The following DOCK4 variants were observed in gnomAD, a reference collection of about 807,000 sequenced individuals.
DOCK4 encodes the protein dedicator of cytokinesis 4.
Under a neutral mutation model 268.1 loss-of-function variants are expected in DOCK4, and 97 were observed. That is an observed-to-expected ratio of 0.36 (90% confidence interval 0.31 to 0.43). DOCK4 has a LOEUF of 0.43. Ranked by LOEUF, DOCK4 falls within the 20% of genes least tolerant of loss-of-function variation. The probability of loss-of-function intolerance (pLI) is 1.00; values close to 1 mark genes in which losing one functional copy is unlikely to be tolerated. For missense variants in DOCK4, 2,145 were observed against 2,455.7 expected (o/e 0.87, Z 2.67); for synonymous variants, 954 against 887.2 (o/e 1.08, Z -1.34).
chr7:111,839,168 T>C (rs948981712), intron 25 of DOCK4, among the ~76,000 whole-genome samples: 53 of 152,342 alleles, frequency 3.5e-4, no homozygotes, highest in Admixed American at 3.0e-3. Context: ...TTTGATTGTA[T>C]AGAGAAAATA....
chr7:112,021,844 C>T (rs540328987), intron 1 of DOCK4, among the ~76,000 whole-genome samples: 1 of 152,252 alleles, frequency 6.6e-6, no homozygotes, highest in Non-Finnish European at 1.5e-5. Flanking sequence ...CCCTGCGCTT[C>T]CCTAGTTTAC....
intron 1 of DOCK4, among the ~76,000 whole-genome samples, chr7:112,188,750 G>C (rs1167137594): frequency 6.6e-6 from 1 of 152,214 alleles, no homozygotes; most frequent in East Asian, 1.9e-4. Context: ...CTCATTTTAA[G>C]TCAGTGGTTT....
At chr7:111,845,711 C>T (rs1038579977) in intron 24 of DOCK4, among the ~76,000 whole-genome samples, 3 of 152,090 alleles carry the variant, frequency 2.0e-5, no homozygotes, top group African/African-American at 7.2e-5. Context: ...AGAAAACTAC[C>T]AAGATTTTCC....
intron 8 of DOCK4, among the ~76,000 whole-genome samples, chr7:111,952,839 A>T: frequency 6.6e-6 from 1 of 152,176 alleles, no homozygotes; most frequent in East Asian, 1.9e-4. Flanking sequence ...AACAACTGTC[A>T]TTTTTTTTAT....
intron 1 of DOCK4, among the ~76,000 whole-genome samples, chr7:112,204,627 C>A (rs1821217313): frequency 6.6e-6 from 1 of 152,024 alleles, no homozygotes; most frequent in Non-Finnish European, 1.5e-5. Context: ...AAACTATTGT[C>A]TTGGTAATTA....
intron 12 of DOCK4, among the ~76,000 whole-genome samples, chr7:111,920,137 G>A (rs1035215057): frequency 1.3e-5 from 2 of 152,142 alleles, no homozygotes; most frequent in Non-Finnish European, 2.9e-5. Flanking sequence ...GGGGATATGG[G>A]GGTTAGGGAG....
At chr7:111,906,420 TTG>T (rs1157315036) in intron 13 of DOCK4, among the ~76,000 whole-genome samples, 1 of 152,092 alleles carries the variant, frequency 6.6e-6, no homozygotes, top group East Asian at 1.9e-4. Flanking sequence ...ATAAGTCATT[TTG>T]AGAGAAAATG....
intron 52 of DOCK4, among the ~76,000 whole-genome samples, chr7:111,731,078 G>A (rs1024547348): frequency 2.6e-5 from 4 of 152,060 alleles, no homozygotes; most frequent in African/African-American, 7.2e-5. Context: ...CTATCACATC[G>A]AGGTGACAGG....
chr7:111,857,697 T>G (rs1250253965), intron 23 of DOCK4, among the ~76,000 whole-genome samples: 1 of 152,182 alleles, frequency 6.6e-6, no homozygotes, highest in African/African-American at 2.4e-5. Context: ...CTAGCAGATC[T>G]GACCTCGCGA....
intron 27 of DOCK4, among the ~76,000 whole-genome samples, chr7:111,819,042 T>C (rs1411785949): frequency 2.0e-5 from 3 of 152,224 alleles, no homozygotes; most frequent in Admixed American, 6.5e-5. Flanking sequence ...ACAACCTCTC[T>C]AAGAAACTTT....
At chr7:111,982,567 T>A in intron 7 of DOCK4, among the ~76,000 whole-genome samples, 1 of 152,350 alleles carries the variant, frequency 6.6e-6, no homozygotes, top group Non-Finnish European at 1.5e-5. Context: ...ATTATTTCCC[T>A]ATTTAGTAGA....
intron 1 of DOCK4, among the ~76,000 whole-genome samples, chr7:112,008,339 T>TA (rs1338344181): frequency 1.3e-5 from 2 of 152,182 alleles, no homozygotes; most frequent in Non-Finnish European, 1.5e-5. Context: ...TTAAAAAATA[T>TA]CTGTCAGCTG....
At position 111,895,822 on chromosome 7, in the gene DOCK4, C is replaced by T. The variant is rs1808700717; in HGVS notation, c.1481-104G>A. The T allele has an allele frequency of 3.8e-6, 4 of 1,039,094 alleles. No individual in the cohort carries two copies. The South Asian group carries it at 4.0e-5, about 10-fold the overall frequency. The allele number at this position is 1,039,094 out of a possible 1,614,324, so 64.4% of individuals were successfully genotyped here. A position where few individuals can be genotyped will look rare whatever the true frequency, so the allele number is the denominator to read the frequency against. On this transcript the variant is annotated intron_variant, in intron 15 of 52. Coordinates refer to ENST00000428084, the MANE Select transcript of DOCK4 (RefSeq NM_001363540.2). ...GAAATATAACTCATACACAACAGTT[C>T]CCACTACACAATGCAGCACAGCTTT...
chr7:111,864,788 G>A (rs1181390310), intron 22 of DOCK4, among the ~76,000 whole-genome samples: 7 of 152,154 alleles, frequency 4.6e-5, no homozygotes, highest in African/African-American at 1.7e-4. Flanking sequence ...ACCCTGCAGA[G>A]CTGAGTCATA....
intron 26 of DOCK4, among the ~76,000 whole-genome samples, chr7:111,823,228 G>C (rs2188798): frequency 2.4e-5 from 2 of 82,662 alleles, no homozygotes; most frequent in Non-Finnish European, 3.8e-5. Context: ...TTTTTTTTTA[G>C]ACGGAGTCTT....
At chr7:111,760,077 G>A in intron 40 of DOCK4, 104 bp downstream of exon 40, 1 of 1,393,850 alleles carries the variant, frequency 7.2e-7, no homozygotes, top group African/African-American at 1.4e-5. Context: ...GTAACGATGT[G>A]GCTATTGAAA....
intron 14 of DOCK4, 151 bp downstream of exon 14, chr7:111,901,526 T>C (rs1199740588): frequency 4.2e-6 from 3 of 714,838 alleles, no homozygotes; most frequent in Non-Finnish European, 4.1e-6. Context: ...GAAAGAAAAC[T>C]ACACAGGGGT....
intron 11 of DOCK4, among the ~76,000 whole-genome samples, chr7:111,936,654 T>C (rs750299455): frequency 1.3e-5 from 2 of 152,174 alleles, no homozygotes; most frequent in African/African-American, 2.4e-5. Flanking sequence ...CATCTGAACA[T>C]ATGTGTAAAT....
intron 11 of DOCK4, among the ~76,000 whole-genome samples, chr7:111,936,695 C>G (rs1562911120): frequency 6.6e-6 from 1 of 152,182 alleles, no homozygotes; most frequent in Non-Finnish European, 1.5e-5. Flanking sequence ...AATGCATCCT[C>G]CCAAGAGGCC....
Sources: gnomAD v4.1 joint callset for allele counts (sites outside exome capture counted in the v4.1 genomes callset) on GRCh38, gnomAD v4.1.1 for gene constraint, MANE v1.5 for transcripts, NCBI Gene and HGNC (gene_info 2026-07-23, HGNC 2026-07-21) for gene names.